Variants in CNTN5 observed in about 807,000 individuals in gnomAD.
The protein encoded by CNTN5 is contactin-5.
In CNTN5, 77 loss-of-function variants were observed where a neutral mutation model predicts 129.1. The ratio of observed to expected loss-of-function variants is 0.60; its 90% CI spans 0.50 to 0.72. The LOEUF is 0.72. Among genes scored for constraint, CNTN5 ranks in the 30% least tolerant of loss-of-function variants. The pLI is 0.00. For synonymous variants in CNTN5, 509 were observed against 465.6 expected (o/e 1.09, Z -1.20); for missense variants, 1,478 against 1,328.8 (o/e 1.11, Z -1.75).
At chr11:99,440,833 C>T (rs1943798054) in intron 2 of CNTN5, among the ~76,000 whole-genome samples, 1 of 152,158 alleles carries the variant, frequency 6.6e-6, no homozygotes, top group African/African-American at 2.4e-5. Context: ...CCGTGATCAT[C>T]ACACTAAATT....
intron 3 of CNTN5, among the ~76,000 whole-genome samples, chr11:99,673,035 T>C (rs963926225): frequency 2.6e-5 from 4 of 152,088 alleles, no homozygotes; most frequent in Non-Finnish European, 4.4e-5. Context: ...AGAATGGCCA[T>C]TGACCCCAGC....
intron 8 of CNTN5, among the ~76,000 whole-genome samples, chr11:99,975,708 C>A (rs183358094): frequency 5.3e-5 from 8 of 152,044 alleles, no homozygotes; most frequent in African/African-American, 1.4e-4. Flanking sequence ...CTACCACCCC[C>A]CTGATCCAAT....
intron 6 of CNTN5, among the ~76,000 whole-genome samples, chr11:99,883,921 G>C (rs1023996032): frequency 2.6e-5 from 4 of 152,154 alleles, no homozygotes; most frequent in Non-Finnish European, 5.9e-5. Flanking sequence ...TACTTTTCCA[G>C]AAAGGAATGT....
At chr11:99,755,033 T>C (rs1944362435) in intron 3 of CNTN5, among the ~76,000 whole-genome samples, 1 of 152,184 alleles carries the variant, frequency 6.6e-6, no homozygotes, top group South Asian at 2.1e-4. Context: ...ATTTTCTGGT[T>C]AACTTCTTTG....
intron 3 of CNTN5, among the ~76,000 whole-genome samples, chr11:99,796,429 A>G (rs1728389551): frequency 6.6e-6 from 1 of 152,076 alleles, no homozygotes; most frequent in African/African-American, 2.4e-5. Context: ...GTATGCTGGC[A>G]AAGTTGCACA....
intron 2 of CNTN5, among the ~76,000 whole-genome samples, chr11:99,363,496 G>A (rs982669201): frequency 6.6e-6 from 1 of 152,086 alleles, no homozygotes. Flanking sequence ...GGGTCTGTGA[G>A]ATTTTCAAGC....
At chr11:100,146,187 A>C (rs1656395904) in intron 13 of CNTN5, among the ~76,000 whole-genome samples, 1 of 152,114 alleles carries the variant, frequency 6.6e-6, no homozygotes, top group Non-Finnish European at 1.5e-5. Context: ...TTTTGAATTC[A>C]GGGTTTGATT....
rs964349133 is a variant in CNTN5, at chr11:99,136,278, A to T, written c.-210+115008A>T. ...CACCTCTCATTAGGGTAGAGACAAG[A>T]ATCCCAGATTGTATTTCTATCTAGC... On this transcript the variant is annotated intron_variant, in intron 1 of 24. Transcript: ENST00000524871. Among the ~76,000 whole-genome samples, 5 of 152,288 alleles carry T rather than the reference A, an allele frequency of 3.3e-5. 1 individual carries two copies. The highest frequency in any genetic ancestry group is 3.3e-4 in the Admixed American group (5 of 15,290).
intron 2 of CNTN5, among the ~76,000 whole-genome samples, chr11:99,472,153 C>G (rs961175682): frequency 2.0e-5 from 3 of 152,026 alleles, no homozygotes; most frequent in African/African-American, 7.2e-5. Flanking sequence ...AAGTCTCCAT[C>G]GAGGCACAAA....
chr11:99,571,689 T>C (rs1022246700), intron 3 of CNTN5, among the ~76,000 whole-genome samples: 1 of 145,754 alleles, frequency 6.9e-6, no homozygotes, highest in Non-Finnish European at 1.5e-5. Flanking sequence ...TACAAATGAC[T>C]TAGGAGGGAA....
intron 3 of CNTN5, among the ~76,000 whole-genome samples, chr11:99,779,740 T>G (rs1282181318): frequency 6.6e-6 from 1 of 152,040 alleles, no homozygotes; most frequent in Non-Finnish European, 1.5e-5. Context: ...TAAACTCTGT[T>G]TACTGCTCAA....
intron 2 of CNTN5, among the ~76,000 whole-genome samples, chr11:99,374,857 A>G (rs1385324946): frequency 1.3e-5 from 2 of 152,178 alleles, no homozygotes; most frequent in African/African-American, 2.4e-5. Context: ...AAGAAGGCCA[A>G]ATGAATGTGT....
At chr11:99,849,199 A>G (rs1448731603) in intron 6 of CNTN5, among the ~76,000 whole-genome samples, 2 of 151,622 alleles carry the variant, frequency 1.3e-5, no homozygotes, top group Admixed American at 6.6e-5. Flanking sequence ...ATACATATTT[A>G]TTGTGATAAG....
At chr11:99,332,001 C>T (rs184538031) in intron 2 of CNTN5, among the ~76,000 whole-genome samples, 36 of 152,224 alleles carry the variant, frequency 2.4e-4, no homozygotes, top group Middle Eastern at 6.8e-3. Flanking sequence ...CAAACCCAGC[C>T]ACAATCAGCT....
chr11:99,712,264 C>A (rs1013318048), intron 3 of CNTN5, among the ~76,000 whole-genome samples: 6 of 151,872 alleles, frequency 4.0e-5, no homozygotes, highest in African/African-American at 1.5e-4. Flanking sequence ...TTTTTTTGGC[C>A]ACAAAATGTA....
Position 99,799,427 on chromosome 11 carries a change from A to G in CNTN5, c.56-20117A>G, listed in dbSNP as rs114714282. On this transcript the variant is annotated intron_variant, in intron 3 of 24. Transcript: ENST00000524871. Reference sequence around the variant, plus strand: ...TATTATCTTGATGTATGTTCATTCAATGCCTTGTTTCTGAGAGTTTTTATC... The same window carrying G: ...TATTATCTTGATGTATGTTCATTCAGTGCCTTGTTTCTGAGAGTTTTTATC... Among the ~76,000 whole-genome samples the G allele has an allele frequency of 5.6e-3, 851 of 152,056 alleles. 16 individuals carry two copies. Among genetic ancestry groups the G allele is most frequent in the African/African-American group, 0.019 (806 of 41,500 alleles).
At chr11:99,213,508 A>G (rs1565408399) in intron 1 of CNTN5, among the ~76,000 whole-genome samples, 1 of 149,296 alleles carries the variant, frequency 6.7e-6, no homozygotes, top group Non-Finnish European at 1.5e-5. Context: ...ACACATATAT[A>G]TTTCCTGAGG....
chr11:99,201,383 T>TTTCC (rs1177606857), intron 1 of CNTN5, among the ~76,000 whole-genome samples: 195 of 25,992 alleles, frequency 7.5e-3, no homozygotes, highest in African/African-American at 0.037. Flanking sequence ...TCCTTCCTTC[T>TTTCC]TTCCTTCCTT....
At chr11:99,306,860 G>A (rs1160217940) in intron 1 of CNTN5, among the ~76,000 whole-genome samples, 2 of 151,796 alleles carry the variant, frequency 1.3e-5, no homozygotes, top group Non-Finnish European at 2.9e-5. Context: ...ATAGTGCTAA[G>A]TACAACATAT....
Sources: gnomAD v4.1 joint callset for allele counts (sites outside exome capture counted in the v4.1 genomes callset) on GRCh38, gnomAD v4.1.1 for gene constraint, MANE v1.5 for transcripts, NCBI Gene and HGNC (gene_info 2026-07-23, HGNC 2026-07-21) for gene names.